The following ZNF738 variants were observed in gnomAD, a reference collection of about 807,000 sequenced individuals.
ZNF738 encodes the protein zinc finger protein 738.
Under a neutral mutation model 9.2 loss-of-function variants are expected in ZNF738, and 10 were observed. That is an observed-to-expected ratio of 1.09 (90% CI 0.67 to 1.85). The LOEUF is 1.85. ZNF738 is among the 40% of genes most tolerant of loss of function. The probability of loss-of-function intolerance (pLI) is 0.00; values close to 1 mark genes in which losing one functional copy is unlikely to be tolerated. For synonymous variants in ZNF738, 113 were observed against 94.5 expected, an observed-to-expected ratio of 1.20 and a Z score of -1.14; for missense variants, 346 against 283.6, an observed-to-expected ratio of 1.22 and a Z score of -1.58.
rs541984253 is a variant in ZNF738 at position 21,382,143 on chromosome 19, G to T, written c.320-723G>T. On this transcript the variant is annotated intron_variant, in intron 4 of 4. Transcript: ENST00000683779. ...TGCAATGGTGTGATTTTGACTCACTGCTACCTCTGCCTCCTGGGTTCAAGC... is the reference window on the plus strand; with the variant it reads ...TGCAATGGTGTGATTTTGACTCACTTCTACCTCTGCCTCCTGGGTTCAAGC... Among the ~76,000 whole-genome samples, 646 of 128,950 alleles carry T rather than the reference G, an allele frequency of 5.0e-3. 10 individuals are homozygous for T. Among genetic ancestry groups the T allele is most frequent in the African/African-American group, 0.019 (622 of 33,012 alleles). The allele number at this position is 128,950 out of a possible 152,430, so 84.6% of individuals were successfully genotyped here.
intron 4 of ZNF738, chr19:21,377,879 A>AT (rs960190772): frequency 2.4e-5 from 9 of 381,124 alleles, no homozygotes; most frequent in African/African-American, 8.3e-5. Context: ...AGACTTACTA[A>AT]TTTTTTTTGT....
Position 21,383,738 on chromosome 19 carries a change from A to T in ZNF738, c.*64A>T. The stretch of plus-strand genomic sequence containing the variant: ...ACATAAGATAATTCATACTGAAGAG[A>T]AACCCTACAAATGTGAGGAATGTGG... On this transcript the variant is annotated 3_prime_UTR_variant, in exon 5 of 5. Coordinates refer to ENST00000683779, the MANE Select transcript of ZNF738 (RefSeq NM_001355237.2). 9.1e-7 allele frequency: 1 copy of T among 1,098,648 alleles called. No homozygotes were observed. The highest frequency in any genetic ancestry group is 1.4e-6 in the Non-Finnish European group (1 of 720,986). The allele number at this position is 1,098,648 out of a possible 1,614,324, so 68.1% of individuals were successfully genotyped here.
chr19:21,359,771 G>A (rs1004870191), intron 1 of ZNF738, among the ~76,000 whole-genome samples: 2 of 152,162 alleles, frequency 1.3e-5, no homozygotes, highest in African/African-American at 4.8e-5. Context: ...CAGCTACTCA[G>A]GAGGCTGAGG....
At chr19:21,363,885 TA>T (rs71176862) in intron 2 of ZNF738, among the ~76,000 whole-genome samples, 237 of 141,350 alleles carry the variant, frequency 1.7e-3, no homozygotes, top group East Asian at 5.9e-3. Flanking sequence ...AGACTCCATT[TA>T]AAAAAAAAAA....
At chr19:21,381,603 C>T (rs1349634469) in intron 4 of ZNF738, 4 of 544,912 alleles carry the variant, frequency 7.3e-6, no homozygotes, top group Non-Finnish European at 1.3e-5. Context: ...ACGCCATACT[C>T]CTGCCTCAGC....
chr19:21,379,009 C>T (rs978578586), intron 4 of ZNF738: 4 of 151,878 alleles, frequency 2.6e-5, no homozygotes, highest in African/African-American at 7.3e-5. Flanking sequence ...TTTGTTTGTT[C>T]AGCTTCTTCA....
chr19:21,375,479 T>A (rs754122310), intron 3 of ZNF738, 115 bp downstream of exon 3: 3 of 540,620 alleles, frequency 5.5e-6, no homozygotes, highest in Non-Finnish European at 1.0e-5. Context: ...CTGATCCCTG[T>A]TTTCAAAAAA....
chr19:21,381,785 G>A (rs1435034156), intron 4 of ZNF738: 10 of 282,776 alleles, frequency 3.5e-5, no homozygotes, highest in Non-Finnish European at 6.4e-5. Context: ...GAGCCACCGC[G>A]CCTGGCCAGG....
At position 21,386,351 on chromosome 19, in the gene ZNF738, G is replaced by A. The variant is rs952038540; in HGVS notation, c.*2677G>A. The A allele has an allele frequency of 3.3e-6, 1 of 303,246 alleles. No individual in the cohort carries two copies. Among genetic ancestry groups the A allele is most frequent in the South Asian group, 3.4e-5 (1 of 29,046 alleles). The allele number at this position is 303,246 out of a possible 1,614,324, so 18.8% of individuals were successfully genotyped here. A position where few individuals can be genotyped will look rare whatever the true frequency, so the allele number is the denominator to read the frequency against. ...GCTGGAGGGAAATCCCACCCATGTG[G>A]CAAAGCTTTTAATCAATCCTCAAAC... is the stretch of plus-strand genomic sequence containing the variant. On this transcript the variant is annotated 3_prime_UTR_variant, in exon 5 of 5. Transcript: ENST00000683779.
chr19:21,361,992 C>T (rs1471392760), intron 2 of ZNF738, 134 bp downstream of exon 2: 24 of 566,598 alleles, frequency 4.2e-5, no homozygotes, highest in Non-Finnish European at 6.0e-5. Flanking sequence ...TGAGGCAGGA[C>T]AATCACTTGA....
At chr19:21,379,593 A>G (rs1230317679) in intron 4 of ZNF738, among the ~76,000 whole-genome samples, 1 of 152,066 alleles carries the variant, frequency 6.6e-6, no homozygotes, top group Non-Finnish European at 1.5e-5. Flanking sequence ...TTATACCACC[A>G]TTTCTTTCAG....
rs554847850 is a variant in ZNF738, at chr19:21,375,262, G to T, written c.121G>T (p.Val41Phe). ...EKGPLTFRDV[V>F]IEFSQEEWQC... is the part of the protein sequence containing the mutation. ...GGGGCCGTTGACATTTAGGGATGTG[G>T]TCATAGAATTCTCTCAGGAGGAGTG... is the stretch of plus-strand genomic sequence containing the variant. The change falls in exon 3 of 5, where the codon GTC becomes TTC. Residue 41 changes from valine to phenylalanine, a missense_variant. By Grantham distance (50) the Val-to-Phe change is conservative. Transcript: ENST00000683779. 3 of 1,152,142 alleles carry T rather than the reference G, an allele frequency of 2.6e-6. No homozygotes were observed. The highest frequency in any genetic ancestry group is 3.9e-6 in the Non-Finnish European group (3 of 760,922). 71.4% of individuals were successfully genotyped at this position (1,152,142 alleles called of 1,614,324 possible).
In ZNF738 at chr19:21,387,646, C is replaced by T. The variant is rs1000698551; in HGVS notation, c.*3972C>T. On this transcript the variant is annotated 3_prime_UTR_variant, in exon 5 of 5. Coordinates refer to ENST00000683779, the MANE Select transcript of ZNF738 (RefSeq NM_001355237.2). ...TGAAAAAGACATTAATATCTGCTTACATCTTAACACCAGAGAGTTCATACT... is the reference window on the plus strand; with the variant it reads ...TGAAAAAGACATTAATATCTGCTTATATCTTAACACCAGAGAGTTCATACT... 6.6e-6 allele frequency among the ~76,000 whole-genome samples: 1 copy of T among 152,194 alleles called. No individual in the cohort carries two copies. Among genetic ancestry groups the T allele is most frequent in the African/African-American group, 2.4e-5 (1 of 41,450 alleles).
Position 21,383,584 on chromosome 19 carries a change from T to G in ZNF738, c.1038T>G (p.Cys346Trp). ...ATACTGGAGAGAAACCCTACAAATG[T>G]GAGGAATGTGGCAAAGCTTTTAATT... is the stretch of plus-strand genomic sequence containing the variant. ...IIHTGEKPYK[C>W]EECGKAFNWY... is the part of the protein sequence containing the mutation. The change falls in exon 5 of 5, where the codon TGT (cysteine) becomes TGG (tryptophan). Residue 346 changes from cysteine (C) to tryptophan (W), a missense_variant. Transcript: ENST00000683779. 2 of 1,027,578 alleles carry G rather than the reference T, an allele frequency of 1.9e-6. No homozygotes were observed. The highest frequency in any genetic ancestry group is 2.5e-5 in the South Asian group (2 of 79,854). 63.7% of individuals were successfully genotyped at this position (1,027,578 alleles called of 1,614,324 possible). A position where few individuals can be genotyped will look rare whatever the true frequency, so the allele number is the denominator to read the frequency against.
chr19:21,369,653 G>A (rs1254915415), intron 2 of ZNF738, among the ~76,000 whole-genome samples: 5 of 152,184 alleles, frequency 3.3e-5, no homozygotes, highest in African/African-American at 1.2e-4. Flanking sequence ...TCATATTCCT[G>A]TCAGGTTTGT....
intron 2 of ZNF738, 133 bp downstream of exon 2, chr19:21,361,991 A>G: frequency 1.8e-6 from 1 of 569,714 alleles, no homozygotes; most frequent in East Asian, 3.1e-5. Flanking sequence ...CTGAGGCAGG[A>G]CAATCACTTG....
At chr19:21,365,435 T>G (rs1772387169) in intron 2 of ZNF738, among the ~76,000 whole-genome samples, 1 of 152,008 alleles carries the variant, frequency 6.6e-6, no homozygotes, top group African/African-American at 2.4e-5. Flanking sequence ...CCTCCCTCTT[T>G]TGTACAAAAA....
intron 1 of ZNF738, among the ~76,000 whole-genome samples, chr19:21,359,760 C>T (rs1029956009): frequency 2.1e-4 from 32 of 151,874 alleles, no homozygotes; most frequent in African/African-American, 6.8e-4. Context: ...GCCTGTAGTC[C>T]CAGCTACTCA....
rs1019787973 is a variant in ZNF738 at position 21,385,323 on chromosome 19, G to T, written c.*1649G>T. On this transcript the variant is annotated 3_prime_UTR_variant, in exon 5 of 5. Transcript: ENST00000683779. ...TATAAAAAATTAGCCAGGTGTAGTG[G>T]TGCACACCTGTAGTCCCAGCTACTC... is the stretch of plus-strand genomic sequence containing the variant. Among the ~76,000 whole-genome samples, 7 of 152,138 alleles carry T rather than the reference G, an allele frequency of 4.6e-5. No individual in the cohort carries two copies. Among genetic ancestry groups the T allele is most frequent in the Admixed American group, 3.3e-4 (5 of 15,278 alleles).
Sources: allele counts gnomAD v4.1 joint callset (sites outside exome capture counted in the v4.1 genomes callset), GRCh38; gene constraint gnomAD v4.1.1; transcripts MANE v1.5; gene names NCBI Gene and HGNC (gene_info 2026-07-23, HGNC 2026-07-21).